PKM: variants seen among roughly 807,000 people sequenced by gnomAD.
PKM encodes pyruvate kinase PKM.
A neutral mutation model predicts 49.8 loss-of-function variants in PKM; 18 were observed. The observed-to-expected ratio is 0.36, with a 90% CI of 0.25 to 0.54. The LOEUF is 0.54. Ranked by LOEUF, PKM falls within the 20% of genes least tolerant of loss-of-function variation. The pLI, the probability that PKM is intolerant of heterozygous loss-of-function variation, is 0.89. For synonymous variants in PKM, 239 were observed against 261.8 expected (o/e 0.91, Z 0.84); for missense variants, 508 against 713.8 (o/e 0.71, Z 3.28).
intron 9 of PKM, chr15:72,201,862 T>A (rs1042445964): frequency 3.7e-5 from 6 of 163,906 alleles, no homozygotes; most frequent in African/African-American, 9.6e-5. Flanking sequence ...TGAAGGACAT[T>A]AACTCAATGT....
At chr15:72,226,517 G>A (rs545522711) in intron 1 of PKM, among the ~76,000 whole-genome samples, 6 of 152,250 alleles carry the variant, frequency 3.9e-5, no homozygotes, top group South Asian at 4.1e-4. Context: ...GTCATGGTGC[G>A]AGACTCCGTC....
At chr15:72,208,522 AT>A (rs2082143559) in intron 6 of PKM, 98 bp downstream of exon 6, 1 of 1,313,894 alleles carries the variant, frequency 7.6e-7, no homozygotes, top group Non-Finnish European at 1.1e-6. Flanking sequence ...GGGAGTCTAC[AT>A]TCTGATGGGC....
intron 4 of PKM, 142 bp downstream of exon 4, chr15:72,210,205 T>C (rs1312574121): frequency 6.9e-6 from 6 of 875,240 alleles, no homozygotes. Flanking sequence ...CAGTGATGAA[T>C]AAATCCTCAT....
rs762544621 is a variant in PKM at position 72,199,747 on chromosome 15, C to T, written c.1499G>A (p.Arg500Gln). 4 of 1,613,118 alleles carry T rather than the reference C, an allele frequency of 2.5e-6. No homozygotes were observed. The highest frequency in any genetic ancestry group is 2.2e-5 in the East Asian group (1 of 44,872). Reference sequence around the variant, plus strand: ...CACATCTCCCTTCTTGAAGAAGCCTCGGGCCTTGCCTGGAGGAAGAGAAGG... The same window carrying T: ...CACATCTCCCTTCTTGAAGAAGCCTTGGGCCTTGCCTGGAGGAAGAGAAGG... ...VNFAMNVGKA[R>Q]GFFKKGDVVI... Residue 500 changes from arginine (R) to glutamine (Q), a missense_variant, in exon 11 of 11, where the codon CGA (arginine) becomes CAA (glutamine). Coordinates refer to ENST00000335181, the MANE Select transcript of PKM (RefSeq NM_002654.6).
At chr15:72,207,098 T>A in intron 7 of PKM, 29 bp downstream of exon 7, 13 of 1,610,688 alleles carry the variant, frequency 8.1e-6, no homozygotes, top group East Asian at 2.2e-5. Context: ...AGTGTGCACA[T>A]GAGAATGTGG....
chr15:72,228,769 C>G (rs1241712140), intron 1 of PKM: 3 of 433,620 alleles, frequency 6.9e-6, no homozygotes, highest in Non-Finnish European at 8.4e-6. Flanking sequence ...GCAGGGGAGT[C>G]CTGACCTCCA....
intron 8 of PKM, among the ~76,000 whole-genome samples, chr15:72,204,960 C>A (rs1473299218): frequency 6.6e-6 from 1 of 152,150 alleles, no homozygotes; most frequent in Non-Finnish European, 1.5e-5. Flanking sequence ...CCTGGGACAC[C>A]TTCCTACCAT....
chr15:72,230,876 C>A, intron 1 of PKM: 1 of 1,232,802 alleles, frequency 8.1e-7, no homozygotes, highest in Non-Finnish European at 1.1e-6. Context: ...AGGGCTGGGG[C>A]GGGAAAGGAG....
chr15:72,214,015 C>T (rs984635073), intron 3 of PKM, among the ~76,000 whole-genome samples: 3 of 152,216 alleles, frequency 2.0e-5, no homozygotes, highest in South Asian at 4.1e-4. Context: ...AATTTATTTT[C>T]ATTTCATTGA....
upstream of PKM, chr15:72,231,215 G>C (rs1313076074): frequency 5.6e-6 from 1 of 177,498 alleles, no homozygotes; most frequent in Admixed American, 6.0e-5. Context: ...TCAGCCTCAA[G>C]GTTATCCCGC....
chr15:72,200,132 T>A lies in PKM; in HGVS notation c.1489+342A>T, dbSNP rs1200382891. 2.7e-5 allele frequency among the ~76,000 whole-genome samples: 4 copies of A among 145,984 alleles called. 1 individual carries two copies. The highest frequency in any genetic ancestry group is 6.9e-5 in the Admixed American group (1 of 14,588). On this transcript the variant is annotated intron_variant, in intron 10 of 10. Coordinates refer to ENST00000335181, the MANE Select transcript of PKM (RefSeq NM_002654.6). The surrounding 1 kb of genome is among the most constrained non-coding windows in gnomAD (Gnocchi z 4.6). ...CACAGGAGCTGTGGCCAATTTTATT[T>A]AAAAAAAAAACAAAAAACAAAAAAA... is the stretch of plus-strand genomic sequence containing the variant.
At chr15:72,212,223 T>C (rs965401223) in intron 3 of PKM, among the ~76,000 whole-genome samples, 1 of 152,174 alleles carries the variant, frequency 6.6e-6, no homozygotes, top group Non-Finnish European at 1.5e-5. Flanking sequence ...ACACCTGTCA[T>C]CTAAACACTT....
rs756723998 is a variant in PKM at position 72,202,644 on chromosome 15, A to G, written c.1141-24T>C. 4.4e-6 allele frequency: 7 copies of G among 1,598,918 alleles called. No individual in the cohort carries two copies. The highest frequency in any genetic ancestry group is 2.7e-5 in the African/African-American group (2 of 74,602). Reference sequence around the variant, plus strand: ...ATCTAGGGGAGCAACATCCGTCCAGAGGGACGAGAGGGGGACAGAGCTTTG... The same window carrying G: ...ATCTAGGGGAGCAACATCCGTCCAGGGGGACGAGAGGGGGACAGAGCTTTG... On this transcript the variant is annotated intron_variant, in intron 8 of 10. Coordinates refer to ENST00000335181, the MANE Select transcript of PKM (RefSeq NM_002654.6). The surrounding 1 kb of genome is among the most constrained non-coding windows in gnomAD (Gnocchi z 4.5).
chr15:72,217,578 G>C, intron 2 of PKM, 78 bp from the exon 3 acceptor site: 12 of 1,025,048 alleles, frequency 1.2e-5, no homozygotes, highest in Non-Finnish European at 1.8e-5. Context: ...TAAGTTTAAA[G>C]AATTTTTTTC....
chr15:72,226,260 G>T (rs539402685), intron 1 of PKM, among the ~76,000 whole-genome samples: 2 of 152,340 alleles, frequency 1.3e-5, no homozygotes, highest in East Asian at 3.9e-4. Flanking sequence ...AGGCGCGGTG[G>T]CTGATGCCTG....
chr15:72,208,211 G>A (rs1200299812), intron 6 of PKM, among the ~76,000 whole-genome samples: 1 of 152,050 alleles, frequency 6.6e-6, no homozygotes, highest in African/African-American at 2.4e-5. Context: ...GGCTCCCCAG[G>A]AAGGGCCAAA....
chr15:72,228,616 G>T (rs773630299), intron 1 of PKM: 2 of 1,282,064 alleles, frequency 1.6e-6, no homozygotes, highest in South Asian at 2.5e-5. Context: ...ATAATTGAAA[G>T]GTTGAGTCAT....
In PKM at chr15:72,202,280, T is replaced by C; in HGVS notation, c.1307+174A>G. 1.5e-6 allele frequency: 1 copy of C among 667,956 alleles called. No homozygotes were observed. Among genetic ancestry groups the C allele is most frequent in the Non-Finnish European group, 2.6e-6 (1 of 377,502 alleles). The allele number at this position is 667,956 out of a possible 1,614,324, so 41.4% of individuals were successfully genotyped here. On this transcript the variant is annotated intron_variant, in intron 9 of 10. Coordinates refer to ENST00000335181, the MANE Select transcript of PKM (RefSeq NM_002654.6). The surrounding 1 kb of genome is among the most constrained non-coding windows in gnomAD (Gnocchi z 4.5). ...CTTATGAGTGCTACCTAGAGTCCTT[T>C]GGGCCCAGGGAAGGGGCTCTGCTCA...
chr15:72,200,838 T>C lies in PKM; in HGVS notation c.1308-183A>G. 1 of 589,314 alleles carries C rather than the reference T, an allele frequency of 1.7e-6. No individual in the cohort carries two copies. Among genetic ancestry groups the C allele is most frequent in the Non-Finnish European group, 3.0e-6 (1 of 331,930 alleles). 36.5% of individuals were successfully genotyped at this position (589,314 alleles called of 1,614,324 possible). On this transcript the variant is annotated intron_variant, in intron 9 of 10. Transcript: ENST00000335181. This position sits in a 1 kb window ranked among gnomAD's most constrained non-coding sequence, Gnocchi z 4.6. ...CCCTCATCCTATATCCCCCACAGCA[T>C]GCTAGGTTACCATTTGCCCTCTACC... is the stretch of plus-strand genomic sequence containing the variant.
Sources: allele counts gnomAD v4.1 joint callset (sites outside exome capture counted in the v4.1 genomes callset), GRCh38; gene constraint gnomAD v4.1.1; non-coding constraint Gnocchi (gnomAD v3.1); transcripts MANE v1.5; gene names NCBI Gene and HGNC (gene_info 2026-07-23, HGNC 2026-07-21).